Variants in PCDHA9 observed in about 807,000 individuals in gnomAD.
PCDHA9 encodes protocadherin alpha-9.
PCDHA9 carries 62 observed loss-of-function variants against 62.0 expected under a neutral mutation model. That is an observed-to-expected ratio of 1.00 (90% CI 0.81 to 1.23). PCDHA9 has a LOEUF of 1.23. Among genes scored for constraint, PCDHA9 ranks in the 50% most tolerant of loss-of-function variants. The probability of loss-of-function intolerance (pLI) is 0.00; values close to 1 mark genes in which losing one functional copy is unlikely to be tolerated. For missense variants in PCDHA9, 1,205 were observed against 1,249.8 expected, an observed-to-expected ratio of 0.96 and a Z score of 0.54; for synonymous variants, 557 against 567.6, an observed-to-expected ratio of 0.98 and a Z score of 0.27.
At chr5:140,852,583 T>C in intron 1 of PCDHA9, 2 of 394,934 alleles carry the variant, frequency 5.1e-6, no homozygotes, top group Non-Finnish European at 6.7e-6. Context: ...GGCTTTTTTA[T>C]TTTTTTTTTT....
chr5:140,883,065 C>G, intron 1 of PCDHA9: 1 of 1,614,056 alleles, frequency 6.2e-7, no homozygotes, highest in Non-Finnish European at 8.5e-7. Context: ...AAGCTAAATG[C>G]CACAGATCCT....
chr5:140,869,602 C>T (rs2051279273), intron 1 of PCDHA9: 2 of 1,613,922 alleles, frequency 1.2e-6, no homozygotes, highest in Non-Finnish European at 8.5e-7. Flanking sequence ...AGAGAATGCT[C>T]TATTGACCTA....
intron 1 of PCDHA9, among the ~76,000 whole-genome samples, chr5:140,879,278 T>C (rs2057927174): frequency 6.6e-6 from 1 of 152,180 alleles, no homozygotes; most frequent in Non-Finnish European, 1.5e-5. Flanking sequence ...ACAGACTCAA[T>C]ACAAATGATA....
intron 1 of PCDHA9, among the ~76,000 whole-genome samples, chr5:140,935,636 G>A (rs1554210607): frequency 6.6e-6 from 1 of 152,052 alleles, no homozygotes; most frequent in African/African-American, 2.4e-5. Context: ...TTTAGGGCTT[G>A]CTTTTTAAAT....
intron 1 of PCDHA9, chr5:140,871,328 G>C: frequency 1.9e-6 from 3 of 1,614,128 alleles, no homozygotes; most frequent in Non-Finnish European, 2.5e-6. Flanking sequence ...GTGTGCTCCC[G>C]CGCGGTGGGG....
At chr5:140,925,671 A>AATAATAATG (rs1445697337) in intron 1 of PCDHA9, among the ~76,000 whole-genome samples, 20 of 148,150 alleles carry the variant, frequency 1.3e-4, no homozygotes, top group African/African-American at 5.0e-4. Context: ...TAATAATAAT[A>AATAATAATG]ATAATAAAGC....
chr5:140,884,314 G>A, intron 1 of PCDHA9: 1 of 1,613,760 alleles, frequency 6.2e-7, no homozygotes, highest in Non-Finnish European at 8.5e-7. Context: ...CGTCGAGGGC[G>A]TCGGCAGGCG....
Position 140,857,664 on chromosome 5 carries a change from G to C in PCDHA9, c.2394+6775G>C, listed in dbSNP as rs201104305. Reference sequence around the variant, plus strand: ...CAGTTCCAGGTGAGCGCGCGCGATGGGGGCGTGCCGCCTCTGGGCAGCAAC... The same window carrying C: ...CAGTTCCAGGTGAGCGCGCGCGATGCGGGCGTGCCGCCTCTGGGCAGCAAC... On this transcript the variant is annotated intron_variant, in intron 1 of 3. Transcript: ENST00000532602. 3.7e-5 allele frequency: 59 copies of C among 1,591,986 alleles called. 7 individuals are homozygous for C. The highest frequency in any genetic ancestry group is 8.9e-5 in the East Asian group (4 of 44,792).
chr5:140,966,068 T>G (rs188069959), intron 1 of PCDHA9: 1 of 153,298 alleles, frequency 6.5e-6, no homozygotes. Context: ...CGCCTCCCCC[T>G]GCGTTGTTTC....
chr5:140,852,838 C>T lies in PCDHA9; in HGVS notation c.2394+1949C>T, dbSNP rs2042489635. 6 of 968,840 alleles carry T rather than the reference C, an allele frequency of 6.2e-6. 1 individual carries two copies. The Admixed American group carries it at 2.5e-4, about 41-fold the overall frequency. The allele number at this position is 968,840 out of a possible 1,614,324, so 60.0% of individuals were successfully genotyped here. A position where few individuals can be genotyped will look rare whatever the true frequency, so the allele number is the denominator to read the frequency against. Reference sequence around the variant, plus strand: ...CCTAAGTCCTCCAGTCTCCTTAGAGCTAGTACTTACTAAGCATTTACTATG... The same window carrying T: ...CCTAAGTCCTCCAGTCTCCTTAGAGTTAGTACTTACTAAGCATTTACTATG... On this transcript the variant is annotated intron_variant, in intron 1 of 3. Coordinates refer to ENST00000532602, the MANE Select transcript of PCDHA9 (RefSeq NM_031857.2).
Position 140,967,279 on chromosome 5 carries a change from T to G in PCDHA9, c.2395-11670T>G, listed in dbSNP as rs184476796. The G allele has an allele frequency of 7.8e-5, 126 of 1,613,002 alleles. 1 individual carries two copies. The East Asian group carries it at 2.6e-3, about 34-fold the overall frequency. On this transcript the variant is annotated intron_variant, in intron 1 of 3. Coordinates refer to ENST00000532602, the MANE Select transcript of PCDHA9 (RefSeq NM_031857.2). ...CTGGAGCGCGCTTTCACATAGAGAGTGCGCAGGACCCCGACGTGGGCGCCA... is the reference window on the plus strand; with the variant it reads ...CTGGAGCGCGCTTTCACATAGAGAGGGCGCAGGACCCCGACGTGGGCGCCA...
intron 1 of PCDHA9, among the ~76,000 whole-genome samples, chr5:140,977,204 A>G (rs1051271481): frequency 9.9e-5 from 15 of 152,170 alleles, no homozygotes; most frequent in Non-Finnish European, 1.6e-4. Context: ...AGTTGCAGCA[A>G]TTTTCATCAT....
chr5:140,946,216 C>T (rs1361042644), intron 1 of PCDHA9, among the ~76,000 whole-genome samples: 1 of 151,868 alleles, frequency 6.6e-6, no homozygotes, highest in Non-Finnish European at 1.5e-5. Flanking sequence ...AAATGACCAA[C>T]AGGTATACTA....
chr5:140,915,234 A>G (rs1373292519), intron 1 of PCDHA9, among the ~76,000 whole-genome samples: 1 of 152,144 alleles, frequency 6.6e-6, no homozygotes, highest in Non-Finnish European at 1.5e-5. Flanking sequence ...GGCATGAGCC[A>G]CCATGCCTGG....
chr5:140,966,382 G>A, intron 1 of PCDHA9: 1 of 403,884 alleles, frequency 2.5e-6, no homozygotes, highest in Non-Finnish European at 4.3e-6. Context: ...GTCCGGGTTC[G>A]CTGTCCGCCA....
chr5:140,921,124 G>A (rs1017756296), intron 1 of PCDHA9, among the ~76,000 whole-genome samples: 1 of 146,978 alleles, frequency 6.8e-6, no homozygotes, highest in Non-Finnish European at 1.5e-5. Flanking sequence ...AGGACTACAG[G>A]TGCACACCAC....
At chr5:140,997,603 C>T (rs781897268) in intron 3 of PCDHA9, among the ~76,000 whole-genome samples, 2 of 151,824 alleles carry the variant, frequency 1.3e-5, no homozygotes, top group African/African-American at 2.4e-5. Flanking sequence ...GATTATGGGG[C>T]GCATGACTAT....
rs1402531454 is a variant in PCDHA9 at position 141,011,521 on chromosome 5, TA to T, written c.*1586del. 1 of 153,804 alleles carries T rather than the reference TA, an allele frequency of 6.5e-6. No individual in the cohort carries two copies. The allele number at this position is 153,804 out of a possible 1,614,324, so 9.5% of individuals were successfully genotyped here. A position where few individuals can be genotyped will look rare whatever the true frequency, so the allele number is the denominator to read the frequency against. ...GTGAAAAAGTGGAGTAGTGTTTTTT[TA>T]ACCATTGTTAATCAGCTTTTGTGTA... On this transcript the variant is annotated 3_prime_UTR_variant, in exon 4 of 4. Coordinates refer to ENST00000532602, the MANE Select transcript of PCDHA9 (RefSeq NM_031857.2).
At chr5:140,928,471 G>T in intron 1 of PCDHA9, 1 of 1,614,148 alleles carries the variant, frequency 6.2e-7, no homozygotes, top group Non-Finnish European at 8.5e-7. Context: ...CCAAGTAGAA[G>T]GCCGGGATGG....
Sources: allele counts gnomAD v4.1 joint callset (sites outside exome capture counted in the v4.1 genomes callset), GRCh38; gene constraint gnomAD v4.1.1; transcripts MANE v1.5; gene names NCBI Gene and HGNC (gene_info 2026-07-23, HGNC 2026-07-21).